The following PLCB4 variants were observed in gnomAD, a reference collection of about 807,000 sequenced individuals.
The protein encoded by PLCB4 is phospholipase C beta 4.
A neutral mutation model predicts 178.8 loss-of-function variants in PLCB4; 77 were observed. The observed-to-expected ratio is 0.43, with a 90% CI of 0.36 to 0.52. PLCB4 has a LOEUF of 0.52. Among genes scored for constraint, PLCB4 ranks in the 20% least tolerant of loss-of-function variants. The pLI is 0.00. For missense variants in PLCB4, 1,024 were observed against 1,453.4 expected (o/e 0.70, Z 4.80); for synonymous variants, 496 against 490.8 (o/e 1.01, Z -0.14).
At chr20:9,128,384 T>C (rs904080250) in intron 2 of PLCB4, among the ~76,000 whole-genome samples, 1 of 152,164 alleles carries the variant, frequency 6.6e-6, no homozygotes, top group African/African-American at 2.4e-5. Context: ...TTTGTAGAGA[T>C]ACCAAAATGG....
At chr20:9,105,601 A>G (rs1221479493) in intron 2 of PLCB4, among the ~76,000 whole-genome samples, 1 of 152,126 alleles carries the variant, frequency 6.6e-6, no homozygotes, top group Non-Finnish European at 1.5e-5. Flanking sequence ...GAACAATGGT[A>G]TTGATACAGG....
At chr20:9,165,709 A>G (rs578212080) in intron 2 of PLCB4, among the ~76,000 whole-genome samples, 6 of 152,052 alleles carry the variant, frequency 3.9e-5, no homozygotes, top group African/African-American at 9.6e-5. Context: ...TTTGCAGAAC[A>G]TTTTACATTC....
intron 3 of PLCB4, among the ~76,000 whole-genome samples, chr20:9,243,472 T>C (rs1040660166): frequency 1.3e-5 from 2 of 152,230 alleles, no homozygotes; most frequent in Non-Finnish European, 2.9e-5. Context: ...TTCATGGGAT[T>C]GCATCCAGCC....
chr20:9,211,851 A>G (rs1384748363), intron 2 of PLCB4, among the ~76,000 whole-genome samples: 1 of 152,238 alleles, frequency 6.6e-6, no homozygotes, highest in Non-Finnish European at 1.5e-5. Context: ...CTGTATTTTA[A>G]GATGGTACAT....
intron 32 of PLCB4, among the ~76,000 whole-genome samples, chr20:9,451,546 G>A (rs974696848): frequency 6.6e-6 from 1 of 152,200 alleles, no homozygotes; most frequent in Non-Finnish European, 1.5e-5. Flanking sequence ...GGGCATTTTA[G>A]TAGGTACCAA....
At chr20:9,262,970 G>A (rs189585648) in intron 3 of PLCB4, among the ~76,000 whole-genome samples, 6 of 152,244 alleles carry the variant, frequency 3.9e-5, no homozygotes, top group Admixed American at 2.0e-4. Flanking sequence ...GATTTTCAGC[G>A]GCTCTCTTAT....
chr20:9,152,928 T>C (rs1242467690), intron 2 of PLCB4, among the ~76,000 whole-genome samples: 1 of 152,216 alleles, frequency 6.6e-6, no homozygotes, highest in Non-Finnish European at 1.5e-5. Flanking sequence ...TGTATCAATG[T>C]GACCTGGGTG....
intron 2 of PLCB4, among the ~76,000 whole-genome samples, chr20:9,184,082 G>C (rs569606846): frequency 6.6e-6 from 1 of 152,158 alleles, no homozygotes; most frequent in Non-Finnish European, 1.5e-5. Flanking sequence ...GCCATTGGAA[G>C]GTACCAGAAG....
intron 7 of PLCB4, among the ~76,000 whole-genome samples, chr20:9,359,093 A>C (rs1386484313): frequency 6.6e-6 from 1 of 152,200 alleles, no homozygotes; most frequent in Non-Finnish European, 1.5e-5. Context: ...TTAAAAGAAA[A>C]AAGTAAAATA....
intron 11 of PLCB4, 53 bp from the exon 12 acceptor site, chr20:9,372,994 A>G (rs2036377681): frequency 1.3e-6 from 1 of 775,418 alleles, no homozygotes; most frequent in Admixed American, 2.0e-5. Context: ...TAAATCGTAC[A>G]TACTGTAGCA....
intron 1 of PLCB4, among the ~76,000 whole-genome samples, chr20:9,070,780 A>G (rs2089532399): frequency 6.6e-6 from 1 of 152,188 alleles, no homozygotes; most frequent in Admixed American, 6.5e-5. Context: ...TAGCTTATGG[A>G]CTACACTTCC....
At chr20:9,162,406 C>G (rs1212763516) in intron 2 of PLCB4, among the ~76,000 whole-genome samples, 1 of 152,078 alleles carries the variant, frequency 6.6e-6, no homozygotes, top group South Asian at 2.1e-4. Flanking sequence ...TATACCTGTA[C>G]CTAAAAAGTT....
At chr20:9,216,570 G>A (rs184610127) in intron 2 of PLCB4, among the ~76,000 whole-genome samples, 1 of 152,114 alleles carries the variant, frequency 6.6e-6, no homozygotes, top group East Asian at 1.9e-4. Flanking sequence ...CATGATCTTT[G>A]CTCACTGCAA....
intron 2 of PLCB4, among the ~76,000 whole-genome samples, chr20:9,199,472 C>T (rs929251019): frequency 5.3e-5 from 8 of 152,158 alleles, no homozygotes; most frequent in Non-Finnish European, 1.2e-4. Flanking sequence ...TCAATGTTCC[C>T]ATCACTGATG....
intron 4 of PLCB4, among the ~76,000 whole-genome samples, chr20:9,327,260 G>A (rs925816740): frequency 8.7e-5 from 13 of 150,256 alleles, no homozygotes; most frequent in African/African-American, 2.7e-4. Flanking sequence ...ACAACATAGC[G>A]AAACTCTGTC....
rs923482624 is a variant in PLCB4 at position 9,264,731 on chromosome 20, C to G, written c.-15-43069C>G. 1.4e-4 allele frequency among the ~76,000 whole-genome samples: 21 copies of G among 152,294 alleles called. 1 individual carries two copies. Among genetic ancestry groups the G allele is most frequent in the Admixed American group, 1.2e-3 (19 of 15,290 alleles). On this transcript the variant is annotated intron_variant, in intron 3 of 39. Coordinates refer to ENST00000378473, the MANE Select transcript of PLCB4 (RefSeq NM_001377142.1). ...TTGAAGTACTGTTTCTCAACCTGAG[C>G]TGCATATTGGAATCACCTGGGGAGC...
intron 3 of PLCB4, among the ~76,000 whole-genome samples, chr20:9,295,678 A>T (rs1361154607): frequency 6.6e-6 from 1 of 152,120 alleles, no homozygotes; most frequent in Non-Finnish European, 1.5e-5. Flanking sequence ...TAAATAGGGA[A>T]TCCTTTCCCC....
chr20:9,317,319 G>A (rs2094909895), intron 4 of PLCB4, among the ~76,000 whole-genome samples: 1 of 152,086 alleles, frequency 6.6e-6, no homozygotes, highest in African/African-American at 2.4e-5. Flanking sequence ...CATTGTATCA[G>A]TTTATCACCT....
At chr20:9,075,727 G>C (rs1046634514) in intron 1 of PLCB4, among the ~76,000 whole-genome samples, 1 of 152,240 alleles carries the variant, frequency 6.6e-6, no homozygotes, top group African/African-American at 2.4e-5. Flanking sequence ...TGCCAGGTGG[G>C]CCTAGGGCCC....
Sources: allele counts gnomAD v4.1 joint callset (sites outside exome capture counted in the v4.1 genomes callset), GRCh38; gene constraint gnomAD v4.1.1; transcripts MANE v1.5; gene names NCBI Gene and HGNC (gene_info 2026-07-23, HGNC 2026-07-21).